The following KIF1A variants were observed in gnomAD, a reference collection of about 807,000 sequenced individuals.
KIF1A encodes kinesin-like protein KIF1A.
In KIF1A, 46 loss-of-function variants were observed where a neutral mutation model predicts 227.3. That is an observed-to-expected ratio of 0.20 (90% CI 0.16 to 0.26). KIF1A has a LOEUF of 0.26. Ranked by LOEUF, KIF1A falls within the 10% of genes least tolerant of loss-of-function variation. The pLI is 1.00. For missense variants in KIF1A, 1,683 were observed against 2,485.9 expected (o/e 0.68, Z 6.87); for synonymous variants, 1,022 against 1,012.8 (o/e 1.01, Z -0.17).
At chr2:240,750,278 C>T in intron 28 of KIF1A, 151 bp downstream of exon 28, 1 of 627,926 alleles carries the variant, frequency 1.6e-6, no homozygotes, top group Non-Finnish European at 2.8e-6. Flanking sequence ...CAGGTTGACC[C>T]CAGGGAGAGT....
At chr2:240,724,683 C>G (rs554878916) in intron 40 of KIF1A, 14 of 159,654 alleles carry the variant, frequency 8.8e-5, no homozygotes, top group African/African-American at 3.4e-4. Flanking sequence ...CATTCCGGCT[C>G]ATTCTCCCCC....
At position 240,758,223 on chromosome 2, in the gene KIF1A, G is replaced by T; in HGVS notation, c.2582+137C>A. ...CTGGGAGGAACCTCAGGCCAGGGAG[G>T]ACAGGGCTGGGAATATGGGGCTGGA... On this transcript the variant is annotated intron_variant, in intron 26 of 48. Transcript: ENST00000498729. The surrounding 1 kb of genome is among the most constrained non-coding windows in gnomAD (Gnocchi z 5.2). The T allele has an allele frequency of 1.0e-6, 1 of 960,870 alleles. No homozygotes were observed. The highest frequency in any genetic ancestry group is 1.5e-6 in the Non-Finnish European group (1 of 672,034). 59.5% of individuals were successfully genotyped at this position (960,870 alleles called of 1,614,324 possible). A position where few individuals can be genotyped will look rare whatever the true frequency, so the allele number is the denominator to read the frequency against.
At chr2:240,783,272 A>G (rs1490374808) in intron 8 of KIF1A, among the ~76,000 whole-genome samples, 163 bp from the exon 9 acceptor site, 1 of 152,150 alleles carries the variant, frequency 6.6e-6, no homozygotes, top group Non-Finnish European at 1.5e-5. Flanking sequence ...GCAGAAAGCC[A>G]GCTGGAGCCT....
rs769452410 is a variant in KIF1A at position 240,720,955 on chromosome 2, G to A, written c.4827C>T (p.Cys1609=). 3.8e-6 allele frequency: 6 copies of A among 1,598,554 alleles called. No individual in the cohort carries two copies. Among genetic ancestry groups the A allele is most frequent in the African/African-American group, 1.3e-5 (1 of 74,718 alleles). The part of the protein sequence containing the change: ...GVATLTPSST[C]PSLVEGRYGA... ...CGTACCGCCCTTCAACCAGAGAGGGGCAAGTGGAGGAGGGGGTGAGAGTGG... is the reference window on the plus strand; with the variant it reads ...CGTACCGCCCTTCAACCAGAGAGGGACAAGTGGAGGAGGGGGTGAGAGTGG... The change falls in exon 45 of 49, where the codon TGC becomes TGT. Residue 1609 remains cysteine, a synonymous_variant. Transcript: ENST00000498729.
chr2:240,733,159 G>A (rs535862456), intron 38 of KIF1A, among the ~76,000 whole-genome samples: 9 of 152,102 alleles, frequency 5.9e-5, no homozygotes, highest in Admixed American at 2.0e-4. Flanking sequence ...TTAGTCACAC[G>A]TGAAAGATCA....
At chr2:240,787,388 T>C in intron 4 of KIF1A, 72 bp from the exon 5 acceptor site, 7 of 1,358,748 alleles carry the variant, frequency 5.2e-6, no homozygotes, top group Non-Finnish European at 7.4e-6. Flanking sequence ...CTTGCGATAC[T>C]GTGGGCAGCC....
chr2:240,783,334 A>G (rs894836112), intron 8 of KIF1A, among the ~76,000 whole-genome samples: 1 of 152,082 alleles, frequency 6.6e-6, no homozygotes, highest in Non-Finnish European at 1.5e-5. Context: ...GCAAACCCTG[A>G]TATCATCCCA....
At position 240,789,151 on chromosome 2, in the gene KIF1A, G is replaced by A. The variant is rs561544440; in HGVS notation, c.183+85C>T. Reference sequence around the variant, plus strand: ...TCGCCCCAGTTAGAGAGGAATGAGCGGCTCAGAGAAGTTGAGGGACCCCGA... The same window carrying A: ...TCGCCCCAGTTAGAGAGGAATGAGCAGCTCAGAGAAGTTGAGGGACCCCGA... On this transcript the variant is annotated intron_variant, in intron 3 of 48. Coordinates refer to ENST00000498729, the MANE Select transcript of KIF1A (RefSeq NM_001244008.2). The surrounding 1 kb of genome is among the most constrained non-coding windows in gnomAD (Gnocchi z 4.8). 3.7e-5 allele frequency: 40 copies of A among 1,082,536 alleles called. No individual in the cohort carries two copies. The African/African-American group carries it at 4.0e-4, about 11-fold the overall frequency. The allele number at this position is 1,082,536 out of a possible 1,614,324, so 67.1% of individuals were successfully genotyped here. A position where few individuals can be genotyped will look rare whatever the true frequency, so the allele number is the denominator to read the frequency against.
chr2:240,745,918 A>G lies in KIF1A; in HGVS notation c.3203-9T>C. The G allele has an allele frequency of 6.3e-7, 1 of 1,598,076 alleles. No homozygotes were observed. Among genetic ancestry groups the G allele is most frequent in the Non-Finnish European group, 8.5e-7 (1 of 1,170,668 alleles). ...GCCTTCTGGGGGCACTGCTGCTGGGAGTCAAGGAGAGAGTCATGGACCTCC... is the reference window on the plus strand; with the variant it reads ...GCCTTCTGGGGGCACTGCTGCTGGGGGTCAAGGAGAGAGTCATGGACCTCC... On this transcript the variant is annotated splice_polypyrimidine_tract_variant and intron_variant, in intron 30 of 48. Transcript: ENST00000498729.
intron 8 of KIF1A, among the ~76,000 whole-genome samples, chr2:240,783,348 C>T (rs193035972): frequency 1.3e-3 from 198 of 152,312 alleles, no homozygotes; most frequent in African/African-American, 4.7e-3. Context: ...CATCCCATGT[C>T]CCCCTGAAAT....
chr2:240,795,104 CA>C (rs2056215852), intron 2 of KIF1A, among the ~76,000 whole-genome samples: 1 of 152,146 alleles, frequency 6.6e-6, no homozygotes, highest in Non-Finnish European at 1.5e-5. Context: ...TGGTGTCTTG[CA>C]TATGTTCATC....
Position 240,786,329 on chromosome 2 carries a change from A to T in KIF1A, c.608+6T>A. The T allele has an allele frequency of 1.2e-6, 2 of 1,612,836 alleles. No individual in the cohort carries two copies. Among genetic ancestry groups the T allele is most frequent in the East Asian group, 2.2e-5 (1 of 44,862 alleles). On this transcript the variant is annotated splice_donor_region_variant and intron_variant, in intron 6 of 48. Coordinates refer to ENST00000498729, the MANE Select transcript of KIF1A (RefSeq NM_001244008.2). ...GCAGGGAGGTCCAGTGAGTCCCTCCACCCACCTGGCCTTGTTCCCTGAGTC... is the reference window on the plus strand; with the variant it reads ...GCAGGGAGGTCCAGTGAGTCCCTCCTCCCACCTGGCCTTGTTCCCTGAGTC...
chr2:240,782,116 C>A, intron 10 of KIF1A: 2 of 985,386 alleles, frequency 2.0e-6, no homozygotes, highest in Non-Finnish European at 2.4e-6. Context: ...CCCAGCGTCG[C>A]CCCAGGCAGC....
In KIF1A at chr2:240,739,199, C is replaced by A. The variant is rs551371106; in HGVS notation, c.3901+859G>T. ...AGTGACCTTGAGCAGCCACCCAGCC[C>A]GGCCATGGCAATGTCTGGGGCAAGG... On this transcript the variant is annotated intron_variant, in intron 37 of 48. Transcript: ENST00000498729. This position sits in a 1 kb window ranked among gnomAD's most constrained non-coding sequence, Gnocchi z 5.6. 6.6e-6 allele frequency among the ~76,000 whole-genome samples: 1 copy of A among 152,226 alleles called. No individual in the cohort carries two copies. The highest frequency in any genetic ancestry group is 1.9e-4 in the East Asian group (1 of 5,200).
chr2:240,778,966 G>A lies in KIF1A; in HGVS notation c.883-3040C>T, dbSNP rs1480204036. Reference sequence around the variant, plus strand: ...CGTTCCTACACACAGCGCTCCACACGGCTCCTCACGGGTCCCCAACAGCAC... The same window carrying A: ...CGTTCCTACACACAGCGCTCCACACAGCTCCTCACGGGTCCCCAACAGCAC... On this transcript the variant is annotated intron_variant, in intron 10 of 48. Coordinates refer to ENST00000498729, the MANE Select transcript of KIF1A (RefSeq NM_001244008.2). The surrounding 1 kb of genome is among the most constrained non-coding windows in gnomAD (Gnocchi z 7.2). Among the ~76,000 whole-genome samples, 2 of 152,024 alleles carry A rather than the reference G, an allele frequency of 1.3e-5. No homozygotes were observed. Among genetic ancestry groups the A allele is most frequent in the East Asian group, 1.9e-4 (1 of 5,178 alleles).
chr2:240,799,410 CA>C (rs2056749805), intron 1 of KIF1A, among the ~76,000 whole-genome samples: 1 of 152,160 alleles, frequency 6.6e-6, no homozygotes, highest in Non-Finnish European at 1.5e-5. Flanking sequence ...CCAGAGGCTA[CA>C]GGGGAGGGGG....
chr2:240,717,217 C>T lies in KIF1A; in HGVS notation c.*147G>A, dbSNP rs1317627786. 6 of 672,738 alleles carry T rather than the reference C, an allele frequency of 8.9e-6. No individual in the cohort carries two copies. 41.7% of individuals were successfully genotyped at this position (672,738 alleles called of 1,614,324 possible). A position where few individuals can be genotyped will look rare whatever the true frequency, so the allele number is the denominator to read the frequency against. On this transcript the variant is annotated 3_prime_UTR_variant, in exon 49 of 49. Coordinates refer to ENST00000498729, the MANE Select transcript of KIF1A (RefSeq NM_001244008.2). ...GCACAGCTGGTCGTGTGGCACAGGT[C>T]CCCGGGCCTGGCATGGGCGTCCCCT...
chr2:240,795,784 G>A (rs937287420), intron 2 of KIF1A, among the ~76,000 whole-genome samples: 3 of 152,166 alleles, frequency 2.0e-5, no homozygotes, highest in East Asian at 1.9e-4. Context: ...ATTCCAACCC[G>A]CCCACCTGCC....
At chr2:240,783,142 C>T (rs1346550779) in intron 8 of KIF1A, 33 bp from the exon 9 acceptor site, 1 of 1,580,192 alleles carries the variant, frequency 6.3e-7, no homozygotes, top group Non-Finnish European at 8.7e-7. Context: ...GGTTGGGATG[C>T]TGGGGACCCG....
Sources: gnomAD v4.1 joint callset for allele counts (sites outside exome capture counted in the v4.1 genomes callset) on GRCh38, gnomAD v4.1.1 for gene constraint, Gnocchi (gnomAD v3.1) non-coding constraint, MANE v1.5 for transcripts, NCBI Gene and HGNC (gene_info 2026-07-23, HGNC 2026-07-21) for gene names.